Variants in ROBO1 observed in about 807,000 individuals in gnomAD.
ROBO1 encodes roundabout homolog 1.
Under a neutral mutation model 195.9 loss-of-function variants are expected in ROBO1, and 149 were observed. The observed-to-expected ratio is 0.76, with a 90% CI of 0.67 to 0.87. The LOEUF (loss-of-function observed/expected upper bound fraction) is 0.87. ROBO1 is among the 40% of genes least tolerant of loss of function. ROBO1 has a pLI of 0.00. For missense variants in ROBO1, 1,933 were observed against 2,068.3 expected, an observed-to-expected ratio of 0.93 and a Z score of 1.27; for synonymous variants, 816 against 733.2, an observed-to-expected ratio of 1.11 and a Z score of -1.82.
chr3:79,107,397 A>T (rs1697363843), intron 3 of ROBO1, among the ~76,000 whole-genome samples: 1 of 151,790 alleles, frequency 6.6e-6, no homozygotes, highest in African/African-American at 2.4e-5. Flanking sequence ...GTTTCATTAT[A>T]AGAGTTATAG....
At chr3:79,039,202 AT>A (rs2078435807) in intron 3 of ROBO1, among the ~76,000 whole-genome samples, 1 of 152,246 alleles carries the variant, frequency 6.6e-6, no homozygotes, top group East Asian at 1.9e-4. Context: ...ATTTCAAAAA[AT>A]AAAGGTAACT....
chr3:79,422,196 T>C (rs1272117047), intron 2 of ROBO1, among the ~76,000 whole-genome samples: 1 of 148,482 alleles, frequency 6.7e-6, no homozygotes, highest in Non-Finnish European at 1.5e-5. Flanking sequence ...TATTATATAT[T>C]TTGTATCATA....
intron 2 of ROBO1, among the ~76,000 whole-genome samples, chr3:79,152,137 C>T (rs941361376): frequency 6.6e-6 from 1 of 151,724 alleles, no homozygotes; most frequent in Non-Finnish European, 1.5e-5. Flanking sequence ...GTGTACCATT[C>T]AACAGATGTT....
chr3:79,028,289 T>C (rs1371749995), intron 3 of ROBO1, among the ~76,000 whole-genome samples: 1 of 151,924 alleles, frequency 6.6e-6, no homozygotes, highest in African/African-American at 2.4e-5. Context: ...TCACTTTGCA[T>C]ATAAAGACTT....
At chr3:79,078,287 C>T (rs1173150297) in intron 3 of ROBO1, among the ~76,000 whole-genome samples, 2 of 151,662 alleles carry the variant, frequency 1.3e-5, no homozygotes, top group African/African-American at 4.8e-5. Context: ...TGAGGGGCTA[C>T]TAAACTGTTA....
intron 1 of ROBO1, among the ~76,000 whole-genome samples, chr3:79,693,843 T>C (rs948854620): frequency 2.0e-5 from 3 of 151,788 alleles, no homozygotes; most frequent in Non-Finnish European, 2.9e-5. Context: ...TACTACCTTC[T>C]AATTATCAAA....
chr3:79,383,619 G>T (rs528622956), intron 2 of ROBO1, among the ~76,000 whole-genome samples: 66 of 152,014 alleles, frequency 4.3e-4, no homozygotes, highest in African/African-American at 1.5e-3. Context: ...TTCACTTCCT[G>T]CACCATGCAT....
At chr3:79,135,525 T>A (rs1233878969) in intron 2 of ROBO1, among the ~76,000 whole-genome samples, 1 of 152,186 alleles carries the variant, frequency 6.6e-6, no homozygotes, top group Non-Finnish European at 1.5e-5. Context: ...ACACGTGGAA[T>A]AATTAAGGCA....
intron 27 of ROBO1, among the ~76,000 whole-genome samples, chr3:78,616,773 GA>G (rs1452102507): frequency 3.9e-5 from 6 of 152,038 alleles, no homozygotes; most frequent in Non-Finnish European, 5.9e-5. Context: ...ATATGTATGG[GA>G]ATGTATATAT....
chr3:79,743,207 C>G (rs1310474832), intron 1 of ROBO1, among the ~76,000 whole-genome samples: 1 of 152,162 alleles, frequency 6.6e-6, no homozygotes, highest in African/African-American at 2.4e-5. Context: ...GAGGTATAGC[C>G]TACCGCATAG....
intron 1 of ROBO1, among the ~76,000 whole-genome samples, chr3:79,741,725 TGA>T (rs1211990165): frequency 6.6e-6 from 1 of 152,090 alleles, no homozygotes; most frequent in African/African-American, 2.4e-5. Flanking sequence ...GACATGAAGA[TGA>T]GAGAGAGTTT....
At chr3:79,485,598 C>T (rs1939116507) in intron 2 of ROBO1, among the ~76,000 whole-genome samples, 2 of 152,058 alleles carry the variant, frequency 1.3e-5, no homozygotes, top group Non-Finnish European at 1.5e-5. Flanking sequence ...TAATAGATAC[C>T]ATGAGTCAGA....
chr3:79,756,350 G>A (rs1310709077), intron 1 of ROBO1, among the ~76,000 whole-genome samples: 1 of 152,048 alleles, frequency 6.6e-6, no homozygotes, highest in East Asian at 1.9e-4. Flanking sequence ...AGGAGTTCGA[G>A]ATCAGCCTGA....
intron 2 of ROBO1, among the ~76,000 whole-genome samples, chr3:79,186,558 G>C (rs1316172534): frequency 6.6e-6 from 1 of 152,010 alleles, no homozygotes; most frequent in East Asian, 1.9e-4. Flanking sequence ...GCCCAATTTG[G>C]TAATCACTGG....
chr3:78,700,785 T>C (rs372003261), intron 8 of ROBO1, among the ~76,000 whole-genome samples: 7 of 150,100 alleles, frequency 4.7e-5, no homozygotes, highest in African/African-American at 1.7e-4. Flanking sequence ...TTTTTTGAGA[T>C]GGAGTTTAGC....
intron 28 of ROBO1, among the ~76,000 whole-genome samples, chr3:78,613,283 T>C (rs1321971911): frequency 1.3e-5 from 2 of 152,190 alleles, no homozygotes; most frequent in Admixed American, 6.5e-5. Context: ...GCTTGATGTT[T>C]GGTCAGTTTT....
chr3:78,773,616 T>G (rs2083432277), intron 4 of ROBO1, among the ~76,000 whole-genome samples: 1 of 152,190 alleles, frequency 6.6e-6, no homozygotes, highest in Non-Finnish European at 1.5e-5. Flanking sequence ...ATTCCATAAT[T>G]TTTTATTGAT....
intron 21 of ROBO1, among the ~76,000 whole-genome samples, chr3:78,641,691 A>T (rs1395569853): frequency 1.3e-5 from 2 of 152,218 alleles, no homozygotes; most frequent in African/African-American, 2.4e-5. Context: ...CAGAGATGTT[A>T]TAGGACGTCT....
chr3:78,617,568 G>A, intron 27 of ROBO1, 67 bp downstream of exon 27: 2 of 1,469,468 alleles, frequency 1.4e-6, no homozygotes, highest in Non-Finnish European at 9.2e-7. Context: ...TCATAGGACA[G>A]AATCAGCAAC....
Sources: allele counts gnomAD v4.1 joint callset (sites outside exome capture counted in the v4.1 genomes callset), GRCh38; gene constraint gnomAD v4.1.1; transcripts MANE v1.5; gene names NCBI Gene and HGNC (gene_info 2026-07-23, HGNC 2026-07-21).